Variants in ADGRF3 observed in about 807,000 individuals in gnomAD.
ADGRF3 encodes G protein-coupled receptor 113.
ADGRF3 carries 85 observed loss-of-function variants against 93.2 expected under a neutral mutation model. The ratio of observed to expected loss-of-function variants is 0.91; its 90% confidence interval spans 0.77 to 1.09. The LOEUF is 1.09. ADGRF3 is among the 50% of genes least tolerant of loss of function. The probability of loss-of-function intolerance (pLI) is 0.00; values close to 1 mark genes in which losing one functional copy is unlikely to be tolerated. For synonymous variants in ADGRF3, 534 were observed against 532.5 expected, an observed-to-expected ratio of 1.00 and a Z score of -0.04; for missense variants, 1,125 against 1,246.2, an observed-to-expected ratio of 0.90 and a Z score of 1.46.
rs932356245 is a variant in ADGRF3, at chr2:26,309,525, C to T, written c.2993+1G>A. ...TGCCCCTGAGAAAGCCTAGTTCTCA[C>T]CTGGCAGTGTCGCTTCCTCCTTTGC... is the stretch of plus-strand genomic sequence containing the variant. On this transcript the variant is annotated splice_donor_variant, in intron 13 of 13. Coordinates refer to ENST00000651242, the MANE Select transcript of ADGRF3 (RefSeq NM_001321971.2). LOFTEE classifies it high-confidence loss of function. 6.2e-7 allele frequency: 1 copy of T among 1,611,674 alleles called. No homozygotes were observed. The highest frequency in any genetic ancestry group is 2.2e-5 in the East Asian group (1 of 44,868).
Position 26,314,555 on chromosome 2 carries a change from A to G in ADGRF3, c.787T>C (p.Leu263=). 6.2e-7 allele frequency: 1 copy of G among 1,614,050 alleles called. No homozygotes were observed. ...WNLYEVVRVP[L]KATDVARLPY... is the part of the protein sequence containing the mutation. ...AGTCGAGCCACATCTGTCGCCTTCA[A>G]GGGCACCCTCACCACCTCATACAGG... Residue 263 remains leucine, a synonymous_variant, in exon 6 of 14, where the codon TTG becomes CTG. Coordinates refer to ENST00000651242, the MANE Select transcript of ADGRF3 (RefSeq NM_001321971.2).
intron 1 of ADGRF3, among the ~76,000 whole-genome samples, chr2:26,340,715 G>A (rs1011301299): frequency 2.4e-5 from 3 of 123,876 alleles, no homozygotes; most frequent in Non-Finnish European, 4.6e-5. Flanking sequence ...GGAGGAGGAT[G>A]TGTGTGTGGG....
intron 1 of ADGRF3, among the ~76,000 whole-genome samples, chr2:26,325,200 A>G (rs1188885969): frequency 6.6e-6 from 1 of 152,252 alleles, no homozygotes; most frequent in Non-Finnish European, 1.5e-5. Context: ...GCACAATTCC[A>G]GTAATGGCAA....
chr2:26,314,710 G>T, intron 5 of ADGRF3, 87 bp from the exon 6 acceptor site: 2 of 1,272,094 alleles, frequency 1.6e-6, no homozygotes, highest in Non-Finnish European at 1.1e-6. Flanking sequence ...CCACAGCCTT[G>T]CTCCTGTCCT....
At chr2:26,321,208 A>T (rs1675130225) in intron 1 of ADGRF3, among the ~76,000 whole-genome samples, 1 of 152,140 alleles carries the variant, frequency 6.6e-6, no homozygotes, top group African/African-American at 2.4e-5. Flanking sequence ...GAGCAGACAC[A>T]CTGGGCAAAT....
chr2:26,326,702 T>C (rs1298609664), intron 1 of ADGRF3, among the ~76,000 whole-genome samples: 1 of 152,176 alleles, frequency 6.6e-6, no homozygotes, highest in Admixed American at 6.5e-5. Context: ...ATGAGTATAT[T>C]CTACTTATTT....
Position 26,315,692 on chromosome 2 carries a change from G to GTGTC in ADGRF3, c.544_547dup (p.Thr183ArgfsTer60). On this transcript the variant is annotated frameshift_variant, in exon 5 of 14. Transcript: ENST00000651242. LOFTEE classifies it high-confidence loss of function. ...GCTCAGATGGAGAGTCAGGCTCAGC[G>GTGTC]TGTCACCAGGCATCTGCAGCTGGGA... is the stretch of plus-strand genomic sequence containing the variant. 5 of 1,551,556 alleles carry GTGTC rather than the reference G, an allele frequency of 3.2e-6. No homozygotes were observed. The African/African-American group carries it at 5.5e-5, about 17-fold the overall frequency.
chr2:26,310,582 C>A, intron 10 of ADGRF3, 110 bp downstream of exon 10: 2 of 1,203,042 alleles, frequency 1.7e-6, no homozygotes, highest in Non-Finnish European at 2.3e-6. Context: ...TTCCAAAATT[C>A]CTGAACCTAT....
intron 1 of ADGRF3, among the ~76,000 whole-genome samples, chr2:26,324,440 A>G (rs1268699217): frequency 6.6e-6 from 1 of 152,044 alleles, no homozygotes; most frequent in African/African-American, 2.4e-5. Context: ...TTATTTCATC[A>G]CCCAGGTATT....
intron 2 of ADGRF3, 25 bp from the exon 3 acceptor site, chr2:26,317,080 G>A: frequency 6.3e-7 from 1 of 1,592,160 alleles, no homozygotes; most frequent in South Asian, 1.1e-5. Flanking sequence ...GGGACAGCTG[G>A]AGAGGACAGG....
chr2:26,319,818 C>T (rs964299086), intron 1 of ADGRF3, among the ~76,000 whole-genome samples: 13 of 152,020 alleles, frequency 8.6e-5, no homozygotes, highest in Admixed American at 7.2e-4. Context: ...TAGCCTCAAA[C>T]TCTTGGGCTC....
At position 26,317,956 on chromosome 2, in the gene ADGRF3, G is replaced by A. The variant is rs1338782984; in HGVS notation, c.115-394C>T. The A allele has an allele frequency of 5.4e-6, 7 of 1,295,318 alleles. No individual in the cohort carries two copies. In the East Asian group the frequency reaches 1.5e-4, roughly 28 times the overall value. The allele number at this position is 1,295,318 out of a possible 1,614,324, so 80.2% of individuals were successfully genotyped here. On this transcript the variant is annotated intron_variant, in intron 1 of 13. Coordinates refer to ENST00000651242, the MANE Select transcript of ADGRF3 (RefSeq NM_001321971.2). ...CTTCTGTAGGATTTGACAGCAGGGT[G>A]AGCAGAAGGCAGCCTCTTTCCTCCG...
At chr2:26,344,615 G>T (rs1388873607) in intron 1 of ADGRF3, among the ~76,000 whole-genome samples, 2 of 152,228 alleles carry the variant, frequency 1.3e-5, no homozygotes, top group Admixed American at 1.3e-4. Context: ...GCCCTCGAGG[G>T]CAAGTGTGAT....
Position 26,313,107 on chromosome 2 carries a change from G to C in ADGRF3, c.1285C>G (p.Gln429Glu). The C allele has an allele frequency of 6.2e-7, 1 of 1,613,886 alleles. No individual in the cohort carries two copies. Among genetic ancestry groups the C allele is most frequent in the Non-Finnish European group, 8.5e-7 (1 of 1,179,860 alleles). ...GGCACCTCCTCAGCAGGACTGCCCT[G>C]GCCTGCCTGCAGCAGCTGAGACAGA... ...FTRTKLLQAG[Q>E]GSPAEEVPQI... is the part of the protein sequence containing the mutation. The change falls in exon 9 of 14, where the codon CAG (glutamine) becomes GAG (glutamate). Residue 429 changes from glutamine to glutamate, a missense_variant. Coordinates refer to ENST00000651242, the MANE Select transcript of ADGRF3 (RefSeq NM_001321971.2).
At chr2:26,314,004 ACAGAGGAAG>A in intron 6 of ADGRF3, 101 bp from the exon 7 acceptor site, 1 of 1,451,048 alleles carries the variant, frequency 6.9e-7, no homozygotes, top group Non-Finnish European at 9.4e-7. Flanking sequence ...CAATTCAGAA[ACAGAGGAAG>A]CAGTGGGGAA....
chr2:26,311,656 A>G lies in ADGRF3; in HGVS notation c.1868T>C (p.Met623Thr), dbSNP rs1674148756. 2 of 1,613,420 alleles carry G rather than the reference A, an allele frequency of 1.2e-6. No homozygotes were observed. Among genetic ancestry groups the G allele is most frequent in the Admixed American group, 1.7e-5 (1 of 60,026 alleles). Residue 623 changes from methionine to threonine, a missense_variant, in exon 10 of 14, where the codon ATG becomes ACG. Coordinates refer to ENST00000651242, the MANE Select transcript of ADGRF3 (RefSeq NM_001321971.2). ...TPGLVLVISI[M>T]AGDRAFSQGE... ...CTGGCTGAAGGCCCGGTCACCTGCCATGATGGAAATGACAAGGACCAGGCC... is the reference window on the plus strand; with the variant it reads ...CTGGCTGAAGGCCCGGTCACCTGCCGTGATGGAAATGACAAGGACCAGGCC...
At position 26,311,597 on chromosome 2, in the gene ADGRF3, C is replaced by T. The variant is rs1472956345; in HGVS notation, c.1927G>A (p.Gly643Ser). The T allele has an allele frequency of 6.2e-7, 1 of 1,613,810 alleles. No individual in the cohort carries two copies. The highest frequency in any genetic ancestry group is 2.2e-5 in the East Asian group (1 of 44,868). Residue 643 changes from glycine (G) to serine (S), a missense_variant, in exon 10 of 14, where the codon GGT becomes AGT. Coordinates refer to ENST00000651242, the MANE Select transcript of ADGRF3 (RefSeq NM_001321971.2). ...TCCCAGAAGACACAGTGAGGGGAAC[C>T]ATCTGTGTTCCCAAAGTCCATGATG... ...EVIMDFGNTD[G>S]SPHCVFWDHS...
At chr2:26,332,038 A>G (rs1165182942) in intron 1 of ADGRF3, among the ~76,000 whole-genome samples, 1 of 152,154 alleles carries the variant, frequency 6.6e-6, no homozygotes, top group Non-Finnish European at 1.5e-5. Context: ...TTTTAGTTAC[A>G]CATATTTTTA....
intron 1 of ADGRF3, among the ~76,000 whole-genome samples, chr2:26,342,740 A>G (rs1296538056): frequency 6.6e-6 from 1 of 152,056 alleles, no homozygotes; most frequent in African/African-American, 2.4e-5. Flanking sequence ...TAGAGCACAG[A>G]TGGGAATAAC....
Sources: gnomAD v4.1 joint callset for allele counts (sites outside exome capture counted in the v4.1 genomes callset) on GRCh38, gnomAD v4.1.1 for gene constraint, MANE v1.5 for transcripts, NCBI Gene and HGNC (gene_info 2026-07-23, HGNC 2026-07-21) for gene names.